Variants in CPA6 observed in about 807,000 individuals in gnomAD.
CPA6 encodes the protein carboxypeptidase A6.
Under a neutral mutation model 63.3 loss-of-function variants are expected in CPA6, and 58 were observed. That is an observed-to-expected ratio of 0.92 (90% CI 0.74 to 1.14). CPA6 has a LOEUF of 1.14. Ranked by LOEUF, CPA6 falls within the 50% of genes most tolerant of loss-of-function variation. The pLI is 0.00. For missense variants in CPA6, 565 were observed against 526.6 expected (o/e 1.07, Z -0.71); for synonymous variants, 185 against 179.0 (o/e 1.03, Z -0.27).
chr8:67,439,356 G>A (rs1380509988), intron 8 of CPA6, among the ~76,000 whole-genome samples: 5 of 151,872 alleles, frequency 3.3e-5, no homozygotes, highest in Admixed American at 3.3e-4. Flanking sequence ...GGGAGCCAAG[G>A]CAGGTGGATC....
intron 1 of CPA6, among the ~76,000 whole-genome samples, chr8:67,679,979 G>C (rs1816558464): frequency 6.6e-6 from 1 of 152,126 alleles, no homozygotes; most frequent in Non-Finnish European, 1.5e-5. Flanking sequence ...TGGAGGATGA[G>C]GCACACATGA....
intron 1 of CPA6, among the ~76,000 whole-genome samples, chr8:67,727,357 T>G (rs967153636): frequency 6.6e-6 from 1 of 152,160 alleles, no homozygotes; most frequent in African/African-American, 2.4e-5. Context: ...TTGAGCACTT[T>G]TGAATTAAAG....
At chr8:67,443,996 T>TG (rs1466976860) in intron 8 of CPA6, among the ~76,000 whole-genome samples, 1 of 151,788 alleles carries the variant, frequency 6.6e-6, no homozygotes, top group Non-Finnish European at 1.5e-5. Flanking sequence ...CCGTAGTTTT[T>TG]TTTTTTTTTT....
At chr8:67,734,609 T>C (rs901943862) in intron 1 of CPA6, among the ~76,000 whole-genome samples, 1 of 152,206 alleles carries the variant, frequency 6.6e-6, no homozygotes, top group African/African-American at 2.4e-5. Context: ...TAGAATATTT[T>C]TTTTCTGCAG....
intron 5 of CPA6, among the ~76,000 whole-genome samples, chr8:67,507,533 A>G (rs1811955743): frequency 2.6e-5 from 4 of 152,094 alleles, no homozygotes. Context: ...CTGACATTAT[A>G]ATTACAGGGG....
At chr8:67,423,367 G>A (rs781417886) in intron 10 of CPA6, among the ~76,000 whole-genome samples, 10 of 152,226 alleles carry the variant, frequency 6.6e-5, no homozygotes, top group Non-Finnish European at 1.2e-4. Flanking sequence ...TTACAGGCGT[G>A]AGCCACTGTG....
At position 67,703,658 on chromosome 8, in the gene CPA6, T is replaced by C. The variant is rs1027203781; in HGVS notation, c.116+42356A>G. 5.9e-5 allele frequency among the ~76,000 whole-genome samples: 9 copies of C among 152,272 alleles called. No homozygotes were observed. The South Asian group carries it at 1.9e-3, about 32-fold the overall frequency. On this transcript the variant is annotated intron_variant, in intron 1 of 10. Coordinates refer to ENST00000297770, the MANE Select transcript of CPA6 (RefSeq NM_020361.5). ...CTGCATTTGTCTGGCAGCGAAGACA[T>C]GGACTCCTTGGAGATATCCCCTGAG... is the stretch of plus-strand genomic sequence containing the variant.
intron 1 of CPA6, among the ~76,000 whole-genome samples, chr8:67,639,337 C>T (rs1033986414): frequency 6.6e-5 from 10 of 151,562 alleles, no homozygotes; most frequent in South Asian, 2.1e-4. Flanking sequence ...AGGCTGTGCT[C>T]GGCTCCCGCT....
intron 1 of CPA6, among the ~76,000 whole-genome samples, chr8:67,633,649 C>T: frequency 6.7e-6 from 1 of 148,518 alleles, no homozygotes; most frequent in Non-Finnish European, 1.5e-5. Flanking sequence ...CCACTGCACT[C>T]CAGCCTGGGC....
chr8:67,501,179 T>C (rs1811823840), intron 6 of CPA6, among the ~76,000 whole-genome samples: 1 of 152,142 alleles, frequency 6.6e-6, no homozygotes, highest in Non-Finnish European at 1.5e-5. Context: ...TTTACTATTT[T>C]GAAATCTCCC....
intron 6 of CPA6, among the ~76,000 whole-genome samples, chr8:67,485,290 TATG>T (rs1411656753): frequency 6.6e-6 from 1 of 152,186 alleles, no homozygotes; most frequent in South Asian, 2.1e-4. Flanking sequence ...GTAAAAAGTT[TATG>T]ATATTATGAT....
intron 8 of CPA6, among the ~76,000 whole-genome samples, chr8:67,438,184 C>T (rs1039954145): frequency 8.5e-5 from 13 of 152,184 alleles, no homozygotes; most frequent in African/African-American, 3.1e-4. Flanking sequence ...TCCGAAAGTG[C>T]TGGGATTACA....
At chr8:67,575,801 T>C (rs1813608615) in intron 2 of CPA6, among the ~76,000 whole-genome samples, 1 of 144,092 alleles carries the variant, frequency 6.9e-6, no homozygotes, top group Non-Finnish European at 1.5e-5. Context: ...GAGGTTGCAG[T>C]GAGCTACTCC....
chr8:67,659,984 G>A (rs998678813), intron 1 of CPA6, among the ~76,000 whole-genome samples: 6 of 152,122 alleles, frequency 3.9e-5, no homozygotes, highest in South Asian at 2.1e-4. Flanking sequence ...TCCCTCTACC[G>A]TGGAAAAGTT....
intron 8 of CPA6, among the ~76,000 whole-genome samples, chr8:67,471,039 C>T (rs962515657): frequency 1.3e-5 from 2 of 152,174 alleles, no homozygotes; most frequent in Non-Finnish European, 1.5e-5. Flanking sequence ...AAAGTCCTTC[C>T]TTCGACACAG....
At position 67,607,131 on chromosome 8, in the gene CPA6, T is replaced by C. The variant is rs13259057; in HGVS notation, c.192+17045A>G. On this transcript the variant is annotated intron_variant, in intron 2 of 10. Coordinates refer to ENST00000297770, the MANE Select transcript of CPA6 (RefSeq NM_020361.5). ...TTCCTCCTCCTCCTCCTCCTCCTCC[T>C]CCTCCCCCTCCTCCCCCCCCTCCTC... is the stretch of plus-strand genomic sequence containing the variant. Among the ~76,000 whole-genome samples the C allele has an allele frequency of 4.4e-3, 272 of 61,398 alleles. 7 individuals are homozygous for C. Among genetic ancestry groups the C allele is most frequent in the African/African-American group, 0.012 (82 of 6,628 alleles). 40.3% of individuals were successfully genotyped at this position (61,398 alleles called of 152,430 possible). A position where few individuals can be genotyped will look rare whatever the true frequency, so the allele number is the denominator to read the frequency against.
At chr8:67,614,710 C>A (rs1018900437) in intron 2 of CPA6, among the ~76,000 whole-genome samples, 2 of 152,326 alleles carry the variant, frequency 1.3e-5, no homozygotes, top group African/African-American at 4.8e-5. Flanking sequence ...CAACTCCATC[C>A]AGTACATGCC....
intron 1 of CPA6, among the ~76,000 whole-genome samples, chr8:67,654,563 T>A (rs1211709845): frequency 6.6e-6 from 1 of 152,178 alleles, no homozygotes; most frequent in Admixed American, 6.5e-5. Context: ...GATGGTAGTT[T>A]GTATTTCTGT....
Position 67,566,013 on chromosome 8 carries a change from GA to G in CPA6, c.193-47967del, listed in dbSNP as rs1309427884. Reference sequence around the variant, plus strand: ...TCCTAAATGGTTACAGCTGATTCATGATTTTCATTTCTTTGCCAGACACTCA... The same window carrying G: ...TCCTAAATGGTTACAGCTGATTCATGTTTTCATTTCTTTGCCAGACACTCA... On this transcript the variant is annotated intron_variant, in intron 2 of 10. Coordinates refer to ENST00000297770, the MANE Select transcript of CPA6 (RefSeq NM_020361.5). Among the ~76,000 whole-genome samples the G allele has an allele frequency of 4.4e-4, 67 of 152,142 alleles. 1 individual carries two copies. The highest frequency in any genetic ancestry group is 1.8e-4 in the Non-Finnish European group (12 of 67,998).
Sources: allele counts gnomAD v4.1 joint callset (sites outside exome capture counted in the v4.1 genomes callset), GRCh38; gene constraint gnomAD v4.1.1; transcripts MANE v1.5; gene names NCBI Gene and HGNC (gene_info 2026-07-23, HGNC 2026-07-21).